The following VWDE variants were observed in gnomAD, a reference collection of about 807,000 sequenced individuals.
VWDE encodes von Willebrand factor D and EGF domains.
VWDE carries 207 observed loss-of-function variants against 178.4 expected under a neutral mutation model. That is an observed-to-expected ratio of 1.16 (90% CI 1.04 to 1.30). The LOEUF (loss-of-function observed/expected upper bound fraction) is 1.30, where lower values mean the gene tolerates loss of function less well. VWDE is among the 50% of genes most tolerant of loss of function. VWDE has a pLI of 0.00. For synonymous variants in VWDE, 738 were observed against 651.4 expected (o/e 1.13, Z -2.02); for missense variants, 2,287 against 1,901.3 (o/e 1.20, Z -3.77).
chr7:12,344,915 G>A (rs1443376336), intron 19 of VWDE, among the ~76,000 whole-genome samples: 2 of 152,022 alleles, frequency 1.3e-5, no homozygotes, highest in East Asian at 1.9e-4. Flanking sequence ...CCCACCGTGA[G>A]CTGAAAAGAA....
At chr7:12,400,354 T>C (rs1443160866) in intron 1 of VWDE, among the ~76,000 whole-genome samples, 1 of 151,842 alleles carries the variant, frequency 6.6e-6, no homozygotes, top group African/African-American at 2.4e-5. Flanking sequence ...AGAGAGAAGA[T>C]TCAAATGACA....
chr7:12,339,988 A>AT (rs1781239691), intron 24 of VWDE, among the ~76,000 whole-genome samples: 1 of 152,180 alleles, frequency 6.6e-6, no homozygotes, highest in South Asian at 2.1e-4. Context: ...TAAATCAAAC[A>AT]TTTTTGCTGT....
intron 9 of VWDE, 130 bp from the exon 10 acceptor site, chr7:12,373,377 A>C (rs1783323576): frequency 1.1e-6 from 1 of 899,054 alleles, no homozygotes; most frequent in Admixed American, 2.5e-5. Flanking sequence ...AAGTAGTCAT[A>C]AACACCTCAA....
chr7:12,376,545 G>C (rs966970173), intron 7 of VWDE, among the ~76,000 whole-genome samples: 7 of 152,026 alleles, frequency 4.6e-5, no homozygotes, highest in African/African-American at 9.7e-5. Flanking sequence ...ATATTTTAAA[G>C]TATACCTGTA....
At chr7:12,351,495 G>C in intron 19 of VWDE, 78 bp downstream of exon 19, 3 of 1,397,000 alleles carry the variant, frequency 2.1e-6, no homozygotes, top group Non-Finnish European at 2.9e-6. Context: ...AATACCTGAG[G>C]AATAAATATG....
Position 12,400,731 on chromosome 7 carries a change from AC to A in VWDE, c.58+2927del, listed in dbSNP as rs1395699096. Among the ~76,000 whole-genome samples, 5 of 152,206 alleles carry A rather than the reference AC, an allele frequency of 3.3e-5. No homozygotes were observed. The East Asian group carries it at 9.6e-4, about 29-fold the overall frequency. The stretch of plus-strand genomic sequence containing the variant: ...GGTATTATAGCCCATTATCCTGGCT[AC>A]CCCGACAGGAAAGCCAGAAATATAT... On this transcript the variant is annotated intron_variant, in intron 1 of 28. Coordinates refer to ENST00000275358, the MANE Select transcript of VWDE (RefSeq NM_001135924.3).
At chr7:12,348,667 G>C (rs1257641895) in intron 19 of VWDE, among the ~76,000 whole-genome samples, 2 of 147,816 alleles carry the variant, frequency 1.4e-5, no homozygotes, top group Non-Finnish European at 3.0e-5. Context: ...AGTCAGTGTG[G>C]CGATTCCTCA....
At chr7:12,340,015 A>G (rs529118811) in intron 24 of VWDE, among the ~76,000 whole-genome samples, 1 of 152,308 alleles carries the variant, frequency 6.6e-6, no homozygotes, top group Admixed American at 6.5e-5. Context: ...AACAAAAATG[A>G]CACAATTTCA....
chr7:12,345,251 A>G (rs1781542138), intron 19 of VWDE, among the ~76,000 whole-genome samples: 1 of 152,170 alleles, frequency 6.6e-6, no homozygotes, highest in African/African-American at 2.4e-5. Context: ...TACAGTATAA[A>G]TGATCAATAA....
At chr7:12,399,170 G>A (rs747996415) in intron 1 of VWDE, among the ~76,000 whole-genome samples, 2 of 152,066 alleles carry the variant, frequency 1.3e-5, no homozygotes, top group African/African-American at 4.8e-5. Flanking sequence ...CTTTCTTTAC[G>A]TATCAAAAGA....
At chr7:12,374,038 C>A (rs1312226741) in intron 9 of VWDE, among the ~76,000 whole-genome samples, 1 of 152,004 alleles carries the variant, frequency 6.6e-6, no homozygotes, top group Admixed American at 6.6e-5. Flanking sequence ...CAACCATTTG[C>A]ATCATGAAAA....
At chr7:12,393,856 C>A in intron 1 of VWDE, 78 bp from the exon 2 acceptor site, 1 of 1,260,664 alleles carries the variant, frequency 7.9e-7, no homozygotes, top group Admixed American at 3.0e-5. Flanking sequence ...AAAATTGATT[C>A]CCAAAACAAA....
At chr7:12,382,429 C>T (rs1352871102) in intron 4 of VWDE, among the ~76,000 whole-genome samples, 1 of 150,868 alleles carries the variant, frequency 6.6e-6, no homozygotes, top group Non-Finnish European at 1.5e-5. Flanking sequence ...ACAGTAATAG[C>T]TTGTGTAAAA....
In VWDE at chr7:12,333,552, T is replaced by C. The variant is rs1345140208; in HGVS notation, c.4671A>G (p.Lys1557=). 3 of 1,550,962 alleles carry C rather than the reference T, an allele frequency of 1.9e-6. No individual in the cohort carries two copies. Among genetic ancestry groups the C allele is most frequent in the South Asian group, 2.4e-5 (2 of 84,026 alleles). Residue 1557 remains lysine (K), a synonymous_variant, in exon 28 of 29, where the codon AAA becomes AAG. Transcript: ENST00000275358. ...VRCQIPICNP[K]CLYGGRCIFP... Reference sequence around the variant, plus strand: ...ATATGCATCTGCCTCCATAAAGACATTTTGGGTTGCAAATTGCTGCAATAC... The same window carrying C: ...ATATGCATCTGCCTCCATAAAGACACTTTGGGTTGCAAATTGCTGCAATAC...
At chr7:12,395,129 CTTTT>C (rs1784564282) in intron 1 of VWDE, among the ~76,000 whole-genome samples, 1 of 152,042 alleles carries the variant, frequency 6.6e-6, no homozygotes, top group Non-Finnish European at 1.5e-5. Context: ...GCTCCTCTTT[CTTTT>C]GTCTCTAAAT....
chr7:12,335,444 A>AT (rs954603125), intron 27 of VWDE, among the ~76,000 whole-genome samples: 10 of 149,222 alleles, frequency 6.7e-5, no homozygotes, highest in East Asian at 2.0e-4. Flanking sequence ...TAGAGTGACT[A>AT]TTTTTTTTTT....
chr7:12,365,247 C>G (rs774056486), intron 13 of VWDE, among the ~76,000 whole-genome samples: 1 of 151,878 alleles, frequency 6.6e-6, no homozygotes, highest in African/African-American at 2.4e-5. Context: ...AGAACAAGGT[C>G]TGTAAATTTG....
rs117680177 is a variant in VWDE at position 12,345,662 on chromosome 7, A to T, written c.3887-1193T>A. On this transcript the variant is annotated intron_variant, in intron 19 of 28. Transcript: ENST00000275358. ...CTGTTTGGATGGTGTTCTGGATATC[A>T]TCATTTGCTTTGCCATGGGTGTTGT... Among the ~76,000 whole-genome samples, 1,384 of 152,268 alleles carry T rather than the reference A, an allele frequency of 9.1e-3. 11 individuals carry two copies. The highest frequency in any genetic ancestry group is 0.015 in the Non-Finnish European group (989 of 68,018).
At chr7:12,333,023 G>C (rs886861654) in intron 28 of VWDE, among the ~76,000 whole-genome samples, 2 of 152,206 alleles carry the variant, frequency 1.3e-5, no homozygotes, top group Admixed American at 1.3e-4. Context: ...TGTGTGTATA[G>C]GAATTAGGAC....
Sources: allele counts gnomAD v4.1 joint callset (sites outside exome capture counted in the v4.1 genomes callset), GRCh38; gene constraint gnomAD v4.1.1; transcripts MANE v1.5; gene names NCBI Gene and HGNC (gene_info 2026-07-23, HGNC 2026-07-21).